Variants in L1TD1 observed in about 807,000 individuals in gnomAD.
L1TD1 encodes LINE-1 type transposase domain-containing protein 1.
Under a neutral mutation model 25.7 loss-of-function variants are expected in L1TD1, and 26 were observed. That is an observed-to-expected ratio of 1.01 (90% CI 0.74 to 1.40). The LOEUF (loss-of-function observed/expected upper bound fraction) is 1.40. Ranked by LOEUF, L1TD1 falls within the 40% of genes most tolerant of loss-of-function variation. The probability of loss-of-function intolerance (pLI) is 0.00; values close to 1 mark genes in which losing one functional copy is unlikely to be tolerated. For missense variants in L1TD1, 1,130 were observed against 975.0 expected, an observed-to-expected ratio of 1.16 and a Z score of -2.12; for synonymous variants, 421 against 335.6, an observed-to-expected ratio of 1.25 and a Z score of -2.78.
chr1:62,195,466 T>TG (rs1220721490), intron 1 of L1TD1, among the ~76,000 whole-genome samples: 1 of 152,330 alleles, frequency 6.6e-6, no homozygotes, highest in African/African-American at 2.4e-5. Context: ...AGAAAAAGGA[T>TG]GGAGGGGCCG....
In L1TD1 at chr1:62,207,627, A is replaced by G. The variant is rs1320226514; in HGVS notation, c.999A>G (p.Gln333=). The G allele has an allele frequency of 8.5e-5, 131 of 1,532,292 alleles. No individual in the cohort carries two copies. The highest frequency in any genetic ancestry group is 1.1e-4 in the Non-Finnish European group (128 of 1,140,078). 94.9% of individuals were successfully genotyped at this position (1,532,292 alleles called of 1,614,324 possible). A position where few individuals can be genotyped will look rare whatever the true frequency, so the allele number is the denominator to read the frequency against. Residue 333 remains glutamine (Q), a synonymous_variant, in exon 3 of 4, where the codon CAA becomes CAG. Transcript: ENST00000498273. The part of the protein sequence containing the change: ...INQGGRKYGI[Q]EKRDKTLIDS... ...AAGGAGGAAGAAAATATGGAATTCA[A>G]GAAAAAAGGGTAAGCATACAAATGT...
chr1:62,210,741 T>G lies in L1TD1; in HGVS notation c.1967T>G (p.Met656Arg), dbSNP rs762763244. The G allele has an allele frequency of 5.2e-6, 8 of 1,551,614 alleles. No homozygotes were observed. Among genetic ancestry groups the G allele is most frequent in the Non-Finnish European group, 6.1e-6 (7 of 1,146,970 alleles). ...TCAGTAGATGATCTGAGTAGCAGAA[T>G]GGACATACTTGAAGAAAGAATAGAC... Reference protein sequence around the residue: ...ENSVDDLSSRMDILEERIDSL... With the variant: ...ENSVDDLSSRRDILEERIDSL... The change falls in exon 4 of 4, where the codon ATG (methionine) becomes AGG (arginine). Residue 656 changes from methionine to arginine, a missense_variant. Coordinates refer to ENST00000498273, the MANE Select transcript of L1TD1 (RefSeq NM_019079.5).
At chr1:62,200,803 CATT>C (rs1670626514) in intron 2 of L1TD1, among the ~76,000 whole-genome samples, 2 of 152,034 alleles carry the variant, frequency 1.3e-5, no homozygotes, top group African/African-American at 4.8e-5. Context: ...AAAGTGGTCT[CATT>C]GTTTTTTTAT....
Position 62,205,376 on chromosome 1 carries a change from T to TCTCTCC in L1TD1, c.-110-1138_-110-1137insCCTCTC, listed in dbSNP as rs1451924164. Among the ~76,000 whole-genome samples, 563 of 79,094 alleles carry TCTCTCC rather than the reference T, an allele frequency of 7.1e-3. 22 individuals carry two copies. The highest frequency in any genetic ancestry group is 9.8e-3 in the Non-Finnish European group (374 of 38,114). The allele number at this position is 79,094 out of a possible 152,430, so 51.9% of individuals were successfully genotyped here. ...ATAAAACCAACGAAAACTCTCTTTC[T>TCTCTCC]CTCTCTCTCTCTTTCTCTCTCTCTC... On this transcript the variant is annotated intron_variant, in intron 2 of 3. Coordinates refer to ENST00000498273, the MANE Select transcript of L1TD1 (RefSeq NM_019079.5).
intron 2 of L1TD1, among the ~76,000 whole-genome samples, 156 bp downstream of exon 2, chr1:62,196,684 C>T (rs1035141353): frequency 1.3e-5 from 2 of 152,136 alleles, no homozygotes; most frequent in Non-Finnish European, 2.9e-5. Context: ...CCTACGCCTC[C>T]TGGGTTCAAG....
rs756218598 is a variant in L1TD1, at chr1:62,211,517, A to T, written c.*145A>T. 4.5e-6 allele frequency: 6 copies of T among 1,342,640 alleles called. No individual in the cohort carries two copies. Among genetic ancestry groups the T allele is most frequent in the Non-Finnish European group, 6.0e-6 (6 of 1,007,718 alleles). The allele number at this position is 1,342,640 out of a possible 1,614,324, so 83.2% of individuals were successfully genotyped here. On this transcript the variant is annotated 3_prime_UTR_variant, in exon 4 of 4. Coordinates refer to ENST00000498273, the MANE Select transcript of L1TD1 (RefSeq NM_019079.5). ...ATGAGGAGCAAGGAATATTACAGATATTACCTAGATGTTAATAAAGGGTAT... is the reference window on the plus strand; with the variant it reads ...ATGAGGAGCAAGGAATATTACAGATTTTACCTAGATGTTAATAAAGGGTAT...
chr1:62,203,924 C>T (rs1434017693), intron 2 of L1TD1, among the ~76,000 whole-genome samples: 1 of 152,036 alleles, frequency 6.6e-6, no homozygotes, highest in Non-Finnish European at 1.5e-5. Context: ...TGGGGTTTCG[C>T]CATCTCGGCC....
At chr1:62,195,063 G>C (rs1461220495) in intron 1 of L1TD1, 142 bp downstream of exon 1, 1 of 152,946 alleles carries the variant, frequency 6.5e-6, no homozygotes. Context: ...CCAGGGGCGT[G>C]GGGTCCGGGG....
intron 2 of L1TD1, among the ~76,000 whole-genome samples, chr1:62,199,814 CA>C (rs1206249323): frequency 1.3e-5 from 2 of 152,148 alleles, no homozygotes; most frequent in Non-Finnish European, 2.9e-5. Context: ...CTGAAAAGGT[CA>C]AAAAATCCCC....
At chr1:62,209,154 A>C (rs949965853) in intron 3 of L1TD1, among the ~76,000 whole-genome samples, 28 of 152,200 alleles carry the variant, frequency 1.8e-4, no homozygotes, top group African/African-American at 6.5e-4. Flanking sequence ...CTTTATAAGG[A>C]AAATTGAGGC....
rs1355293129 is a variant in L1TD1 at position 62,209,988 on chromosome 1, AGGAGGAGGAAGAGCCCTCAGGGCT to A, written c.1227_1250del (p.Pro410_Glu417del). 6.8e-7 allele frequency: 1 copy of A among 1,470,798 alleles called. No individual in the cohort carries two copies. Among genetic ancestry groups the A allele is most frequent in the South Asian group, 1.1e-5 (1 of 87,854 alleles). 91.1% of individuals were successfully genotyped at this position (1,470,798 alleles called of 1,614,324 possible). A position where few individuals can be genotyped will look rare whatever the true frequency, so the allele number is the denominator to read the frequency against. Reference sequence around the variant, plus strand: ...GATGAAGATACCTCAGGGCTGGAGGAGGAGGAGGAAGAGCCCTCAGGGCTGGAGGAGGAAGAAGAAGAAGAGGCT... The same window carrying A: ...GATGAAGATACCTCAGGGCTGGAGGAGGAGGAGGAAGAAGAAGAAGAGGCT... On this transcript the variant is annotated inframe_deletion, in exon 4 of 4. Coordinates refer to ENST00000498273, the MANE Select transcript of L1TD1 (RefSeq NM_019079.5).
At position 62,211,295 on chromosome 1, in the gene L1TD1, C is replaced by G; in HGVS notation, c.2521C>G (p.Leu841Val). ...TTTTAGGGGTAAAACAAAGGTATTT[C>G]TTAGTATTGAAGAATTTAGAGATTA... ...FDFRGKTKVFLSIEEFRDYVL... is the reference protein window; with the variant it reads ...FDFRGKTKVFVSIEEFRDYVL... Residue 841 changes from leucine (L) to valine (V), a missense_variant, in exon 4 of 4, where the codon CTT (leucine) becomes GTT (valine). Leu to Val is a conservative substitution (Grantham distance 32). Transcript: ENST00000498273. 1 of 1,613,318 alleles carries G rather than the reference C, an allele frequency of 6.2e-7. No individual in the cohort carries two copies. The highest frequency in any genetic ancestry group is 8.5e-7 in the Non-Finnish European group (1 of 1,179,660).
rs755469318 is a variant in L1TD1, at chr1:62,210,300, T to C, written c.1526T>C (p.Ile509Thr). The change falls in exon 4 of 4, where the codon ATT becomes ACT. Residue 509 changes from isoleucine to threonine, a missense_variant. Coordinates refer to ENST00000498273, the MANE Select transcript of L1TD1 (RefSeq NM_019079.5). ...EKKASRRQKE[I>T]PFSYLVGDSG... ...AAAGCCTCACGTAGACAAAAAGAAA[T>C]TCCCTTTAGTTATTTGGTTGGGGAC... is the stretch of plus-strand genomic sequence containing the variant. 1 of 1,614,070 alleles carries C rather than the reference T, an allele frequency of 6.2e-7. No individual in the cohort carries two copies. The highest frequency in any genetic ancestry group is 1.1e-5 in the South Asian group (1 of 91,070).
intron 2 of L1TD1, among the ~76,000 whole-genome samples, chr1:62,199,151 G>A (rs1168776013): frequency 6.6e-6 from 1 of 152,116 alleles, no homozygotes; most frequent in Non-Finnish European, 1.5e-5. Context: ...TATCTTGGAT[G>A]TGAAAAAGGT....
intron 2 of L1TD1, 79 bp from the exon 3 acceptor site, chr1:62,206,440 T>C (rs927856268): frequency 5.3e-5 from 24 of 454,790 alleles, no homozygotes; most frequent in Non-Finnish European, 7.8e-5. Context: ...AGCATAGTTT[T>C]CTTAACTAAG....
At chr1:62,208,815 T>C (rs1570930618) in intron 3 of L1TD1, among the ~76,000 whole-genome samples, 1 of 152,304 alleles carries the variant, frequency 6.6e-6, no homozygotes, top group African/African-American at 2.4e-5. Flanking sequence ...TTTTTACATG[T>C]TTTCAAATGA....
At chr1:62,201,491 A>T (rs1461938144) in intron 2 of L1TD1, among the ~76,000 whole-genome samples, 13 of 57,338 alleles carry the variant, frequency 2.3e-4, no homozygotes, top group African/African-American at 7.6e-4. Flanking sequence ...GACCCTGCTT[A>T]AAAAAAAAAA....
rs1441299098 is a variant in L1TD1, at chr1:62,207,517, C to CA, written c.892dup (p.Ser298LysfsTer3). Reference sequence around the variant, plus strand: ...TGAAATAAAGACATTTTCAGATCTGCAAAGCCTTAGAAAATTTGCCAGCCA... The same window carrying CA: ...TGAAATAAAGACATTTTCAGATCTGCAAAAGCCTTAGAAAATTTGCCAGCCA... On this transcript the variant is annotated frameshift_variant, in exon 3 of 4. Coordinates refer to ENST00000498273, the MANE Select transcript of L1TD1 (RefSeq NM_019079.5). LOFTEE classifies it high-confidence loss of function. 6.4e-7 allele frequency: 1 copy of CA among 1,551,394 alleles called. No homozygotes were observed. The highest frequency in any genetic ancestry group is 1.4e-5 in the African/African-American group (1 of 73,120).
intron 2 of L1TD1, among the ~76,000 whole-genome samples, chr1:62,203,409 G>A (rs1360354239): frequency 2.6e-5 from 4 of 151,936 alleles, no homozygotes; most frequent in Non-Finnish European, 5.9e-5. Flanking sequence ...CCCAGGCTCT[G>A]GTAACTATCA....
Sources: allele counts gnomAD v4.1 joint callset (sites outside exome capture counted in the v4.1 genomes callset), GRCh38; gene constraint gnomAD v4.1.1; transcripts MANE v1.5; gene names NCBI Gene and HGNC (gene_info 2026-07-23, HGNC 2026-07-21).